The following SEPTIN10 variants were observed in gnomAD, a reference collection of about 807,000 sequenced individuals.
SEPTIN10 encodes septin-10.
SEPTIN10 carries 66 observed loss-of-function variants against 54.8 expected under a neutral mutation model. That is an observed-to-expected ratio of 1.21 (90% CI 0.99 to 1.48). SEPTIN10 has a LOEUF of 1.48. Ranked by LOEUF, SEPTIN10 falls within the 40% of genes most tolerant of loss-of-function variation. The probability of loss-of-function intolerance (pLI) is 0.00; values close to 1 mark genes in which losing one functional copy is unlikely to be tolerated. For missense variants in SEPTIN10, 620 were observed against 545.6 expected, an observed-to-expected ratio of 1.14 and a Z score of -1.36; for synonymous variants, 161 against 181.0, an observed-to-expected ratio of 0.89 and a Z score of 0.89.
chr2:109,601,578 CTTCT>C (rs1317498294), intron 1 of SEPTIN10, among the ~76,000 whole-genome samples: 1 of 152,080 alleles, frequency 6.6e-6, no homozygotes, highest in African/African-American at 2.4e-5. Flanking sequence ...CAGGGTACTC[CTTCT>C]TTGTTTCTCT....
chr2:109,597,120 T>C (rs1695478809), intron 1 of SEPTIN10, among the ~76,000 whole-genome samples: 1 of 151,984 alleles, frequency 6.6e-6, no homozygotes, highest in African/African-American at 2.4e-5. Flanking sequence ...GCTAATTTTT[T>C]TGTAGAGACG....
chr2:109,591,146 T>C (rs1317103423), intron 2 of SEPTIN10, among the ~76,000 whole-genome samples: 2 of 152,364 alleles, frequency 1.3e-5, no homozygotes, highest in Admixed American at 6.5e-5. Context: ...ATCTTCATAT[T>C]TTTTTAAAGA....
intron 7 of SEPTIN10, 62 bp downstream of exon 7, chr2:109,565,701 G>T: frequency 7.4e-7 from 1 of 1,347,894 alleles, no homozygotes; most frequent in Non-Finnish European, 1.1e-6. Context: ...AAGAAGGCAT[G>T]ACAGGTAGCT....
chr2:109,551,155 T>C (rs1489620199), intron 9 of SEPTIN10, among the ~76,000 whole-genome samples: 1 of 152,230 alleles, frequency 6.6e-6, no homozygotes, highest in Non-Finnish European at 1.5e-5. Context: ...ATTTGTTCTG[T>C]GCATCTCCCC....
intron 5 of SEPTIN10, among the ~76,000 whole-genome samples, chr2:109,571,212 G>T (rs555610008): frequency 5.0e-4 from 76 of 152,302 alleles, no homozygotes; most frequent in African/African-American, 1.6e-3. Context: ...CTAAGGAACT[G>T]TAAGTCAATT....
chr2:109,557,754 T>G (rs1191556391), intron 8 of SEPTIN10, among the ~76,000 whole-genome samples: 3 of 152,208 alleles, frequency 2.0e-5, no homozygotes, highest in Non-Finnish European at 4.4e-5. Flanking sequence ...AATGCAATCA[T>G]TGTTTCTTAT....
intron 9 of SEPTIN10, among the ~76,000 whole-genome samples, chr2:109,550,290 CA>C (rs562615466): frequency 1.3e-4 from 20 of 149,192 alleles, no homozygotes; most frequent in Non-Finnish European, 2.7e-4. Context: ...GACTCAGTCT[CA>C]AAAAACAAAA....
chr2:109,594,789 G>C (rs1694950736), intron 1 of SEPTIN10: 1 of 152,168 alleles, frequency 6.6e-6, no homozygotes, highest in African/African-American at 2.4e-5. Context: ...AGACAAAATA[G>C]TGTACATCGT....
chr2:109,569,751 C>A (rs1328602240), intron 5 of SEPTIN10, among the ~76,000 whole-genome samples: 2 of 152,160 alleles, frequency 1.3e-5, no homozygotes, highest in East Asian at 3.8e-4. Context: ...CAATAAACTG[C>A]AGTAGACTGA....
intron 8 of SEPTIN10, among the ~76,000 whole-genome samples, chr2:109,556,372 TTAA>T: frequency 6.6e-6 from 1 of 152,216 alleles, no homozygotes; most frequent in Non-Finnish European, 1.5e-5. Context: ...TTAAATCTTA[TTAA>T]TCTTAAATTT....
At position 109,568,757 on chromosome 2, in the gene SEPTIN10, G is replaced by C. The variant is rs145946010; in HGVS notation, c.601-781C>G. ...GATCCCTCAGCAAAACTAAAAGACA[G>C]GTGAAGCTTCTCTTTGTGCCTCGTT... On this transcript the variant is annotated intron_variant, in intron 5 of 10. Transcript: ENST00000397712. Among the ~76,000 whole-genome samples, 5 of 152,250 alleles carry C rather than the reference G, an allele frequency of 3.3e-5. No homozygotes were observed. In the East Asian group the frequency reaches 7.7e-4, roughly 23 times the overall value.
chr2:109,547,008 G>A (rs1681429612), intron 9 of SEPTIN10, among the ~76,000 whole-genome samples: 1 of 152,116 alleles, frequency 6.6e-6, no homozygotes, highest in African/African-American at 2.4e-5. Flanking sequence ...CTCCCTTTAG[G>A]CGCCTAAAGG....
At chr2:109,577,352 G>A (rs1689924535) in intron 4 of SEPTIN10, among the ~76,000 whole-genome samples, 1 of 152,234 alleles carries the variant, frequency 6.6e-6, no homozygotes, top group Non-Finnish European at 1.5e-5. Flanking sequence ...CCAGCACTTT[G>A]GGAGGTCAAG....
intron 1 of SEPTIN10, among the ~76,000 whole-genome samples, chr2:109,596,577 G>A (rs1294043065): frequency 2.6e-5 from 4 of 151,070 alleles, no homozygotes; most frequent in African/African-American, 9.7e-5. Context: ...AGATCGCGCC[G>A]CTGCACTCCA....
chr2:109,558,611 G>A (rs189825424), intron 8 of SEPTIN10, among the ~76,000 whole-genome samples: 8 of 152,198 alleles, frequency 5.3e-5, no homozygotes, highest in African/African-American at 1.4e-4. Flanking sequence ...TGCTATTTAC[G>A]TGGGCCTCGT....
At chr2:109,572,992 T>C (rs1022967246) in intron 5 of SEPTIN10, among the ~76,000 whole-genome samples, 2 of 152,208 alleles carry the variant, frequency 1.3e-5, no homozygotes, top group African/African-American at 4.8e-5. Flanking sequence ...AAATAAAGAA[T>C]ATATTTAAAT....
intron 4 of SEPTIN10, 24 bp downstream of exon 4, chr2:109,585,102 T>C: frequency 6.8e-7 from 1 of 1,463,360 alleles, no homozygotes; most frequent in Non-Finnish European, 9.1e-7. Flanking sequence ...AAAACTTGTT[T>C]TATTACAAGA....
At chr2:109,602,211 A>G (rs1286148850) in intron 1 of SEPTIN10, among the ~76,000 whole-genome samples, 1 of 152,240 alleles carries the variant, frequency 6.6e-6, no homozygotes, top group East Asian at 1.9e-4. Context: ...TTATGACTAT[A>G]ACTTGGAACA....
intron 10 of SEPTIN10, chr2:109,544,658 A>G: frequency 1.1e-6 from 1 of 915,870 alleles, no homozygotes; most frequent in Non-Finnish European, 1.3e-6. Context: ...TGAAAGGAAA[A>G]AAGGTATTAA....
Sources: allele counts gnomAD v4.1 joint callset (sites outside exome capture counted in the v4.1 genomes callset), GRCh38; gene constraint gnomAD v4.1.1; transcripts MANE v1.5; gene names NCBI Gene and HGNC (gene_info 2026-07-23, HGNC 2026-07-21).